Variants in MSR1 observed in about 807,000 individuals in gnomAD.
MSR1 encodes the protein macrophage scavenger receptor 1.
Under a neutral mutation model 47.2 loss-of-function variants are expected in MSR1, and 53 were observed. That is an observed-to-expected ratio of 1.12 (90% CI 0.90 to 1.41). The LOEUF (loss-of-function observed/expected upper bound fraction) is 1.41, where lower values mean the gene tolerates loss of function less well. MSR1 is among the 40% of genes most tolerant of loss of function. The pLI is 0.00. For missense variants in MSR1, 786 were observed against 546.9 expected, an observed-to-expected ratio of 1.44 and a Z score of -4.36; for synonymous variants, 239 against 185.6, an observed-to-expected ratio of 1.29 and a Z score of -2.34.
chr8:16,121,169 G>A (rs1799997633), intron 8 of MSR1: 1 of 431,338 alleles, frequency 2.3e-6, no homozygotes, highest in Non-Finnish European at 4.6e-6. Context: ...CTTGTTGTGA[G>A]GTTCCTGGAT....
At chr8:16,169,632 C>T (rs974313854) in intron 3 of MSR1, among the ~76,000 whole-genome samples, 1 of 152,000 alleles carries the variant, frequency 6.6e-6, no homozygotes, top group Non-Finnish European at 1.5e-5. Context: ...CGTGTCTCAA[C>T]CCTTATCATA....
intron 1 of MSR1, chr8:16,186,010 G>A (rs1321852567): frequency 4.6e-6 from 3 of 658,810 alleles, no homozygotes; most frequent in Non-Finnish European, 7.6e-6. Context: ...GAAGTTCGTG[G>A]CCTGCAAGAA....
intron 3 of MSR1, among the ~76,000 whole-genome samples, chr8:16,170,186 A>T (rs1206179724): frequency 6.6e-6 from 1 of 152,084 alleles, no homozygotes; most frequent in Non-Finnish European, 1.5e-5. Context: ...CGTCTCTGCT[A>T]AAAATACAAA....
intron 1 of MSR1, among the ~76,000 whole-genome samples, chr8:16,180,080 C>A (rs894304474): frequency 5.6e-5 from 8 of 143,536 alleles, no homozygotes; most frequent in Non-Finnish European, 1.2e-4. Flanking sequence ...AGCCATTGTA[C>A]CCGGTCTCTC....
intron 8 of MSR1, among the ~76,000 whole-genome samples, chr8:16,121,867 T>G (rs1474246991): frequency 6.6e-6 from 1 of 151,922 alleles, no homozygotes; most frequent in Non-Finnish European, 1.5e-5. Flanking sequence ...CCAGTTTGAA[T>G]TCATTTTGTT....
intron 4 of MSR1, among the ~76,000 whole-genome samples, 172 bp downstream of exon 4, chr8:16,168,286 A>AT (rs1801374755): frequency 6.6e-6 from 1 of 152,248 alleles, no homozygotes; most frequent in South Asian, 2.1e-4. Context: ...AGGCGAATCC[A>AT]TTTTAAATCC....
At chr8:16,162,474 C>G (rs1447567264) in intron 5 of MSR1, among the ~76,000 whole-genome samples, 1 of 151,952 alleles carries the variant, frequency 6.6e-6, no homozygotes. Context: ...AATTCATGCG[C>G]AAATTTAAAT....
At chr8:16,187,262 C>T (rs570280758) in intron 1 of MSR1, among the ~76,000 whole-genome samples, 2 of 144,970 alleles carry the variant, frequency 1.4e-5, no homozygotes, top group East Asian at 4.3e-4. Context: ...ACTCAGAAGG[C>T]TGAGACAGGA....
intron 3 of MSR1, among the ~76,000 whole-genome samples, chr8:16,173,969 G>A (rs529515056): frequency 6.6e-6 from 1 of 151,942 alleles, no homozygotes; most frequent in African/African-American, 2.4e-5. Context: ...TTTTTTTATT[G>A]GCCAACCATG....
At chr8:16,126,924 G>A (rs980075256) in intron 8 of MSR1, among the ~76,000 whole-genome samples, 1 of 152,140 alleles carries the variant, frequency 6.6e-6, no homozygotes, top group African/African-American at 2.4e-5. Context: ...CAGAGTGATA[G>A]ATTCCTTGTG....
intron 4 of MSR1, 70 bp from the exon 5 acceptor site, chr8:16,164,321 A>G: frequency 7.4e-7 from 1 of 1,353,240 alleles, no homozygotes; most frequent in Non-Finnish European, 1.0e-6. Flanking sequence ...AGTTCAAGAA[A>G]CCCTCGGAGT....
intron 4 of MSR1, among the ~76,000 whole-genome samples, chr8:16,167,847 C>T (rs1189177356): frequency 6.6e-6 from 1 of 152,072 alleles, no homozygotes; most frequent in Non-Finnish European, 1.5e-5. Context: ...TTTCTATAGC[C>T]CAAGGCTTTG....
rs534158556 is a variant in MSR1 at position 16,160,663 on chromosome 8, G to A, written c.817+3402C>T. Among the ~76,000 whole-genome samples, 53 of 152,120 alleles carry A rather than the reference G, an allele frequency of 3.5e-4. 1 individual carries two copies. In the Middle Eastern group the frequency reaches 0.014, roughly 39 times the overall value. ...AGAATAAGAATGGTGGAAAGTGGAG[G>A]AGGTAACTTCAAGTGGAGCCAAGAA... On this transcript the variant is annotated intron_variant, in intron 5 of 9. Coordinates refer to ENST00000262101, the MANE Select transcript of MSR1 (RefSeq NM_138715.3).
intron 8 of MSR1, among the ~76,000 whole-genome samples, chr8:16,137,156 TC>T (rs1418032228): frequency 1.3e-5 from 2 of 152,124 alleles, no homozygotes; most frequent in Admixed American, 1.3e-4. Context: ...AGGTAGCTCT[TC>T]CCCAGGTGCA....
intron 9 of MSR1, among the ~76,000 whole-genome samples, chr8:16,117,238 G>A (rs905889360): frequency 3.3e-5 from 5 of 152,104 alleles, no homozygotes; most frequent in African/African-American, 1.2e-4. Flanking sequence ...GATACTCATA[G>A]GAACACAAAC....
intron 8 of MSR1, among the ~76,000 whole-genome samples, chr8:16,137,852 C>T (rs946559921): frequency 2.6e-5 from 4 of 151,708 alleles, no homozygotes; most frequent in East Asian, 1.9e-4. Flanking sequence ...AATAGCCAAG[C>T]ATGGTGGTGT....
chr8:16,156,992 C>A (rs1801030517), intron 5 of MSR1, among the ~76,000 whole-genome samples: 1 of 151,812 alleles, frequency 6.6e-6, no homozygotes, highest in Non-Finnish European at 1.5e-5. Context: ...GGGAGGGGGG[C>A]AAGCAGGACA....
rs1248759860 is a variant in MSR1, at chr8:16,140,322, C to T, written c.1033+3236G>A. On this transcript the variant is annotated intron_variant, in intron 8 of 9. Coordinates refer to ENST00000262101, the MANE Select transcript of MSR1 (RefSeq NM_138715.3). Reference sequence around the variant, plus strand: ...AAAAAAGCCCTTGACTCAGTCTTTACTTTGATCAAAAATGCTTTGGAAAGA... The same window carrying T: ...AAAAAAGCCCTTGACTCAGTCTTTATTTTGATCAAAAATGCTTTGGAAAGA... The T allele has an allele frequency of 1.2e-5, 12 of 984,610 alleles. 1 individual carries two copies. The Admixed American group carries it at 7.4e-4, about 61-fold the overall frequency. 61.0% of individuals were successfully genotyped at this position (984,610 alleles called of 1,614,324 possible). A position where few individuals can be genotyped will look rare whatever the true frequency, so the allele number is the denominator to read the frequency against.
At chr8:16,153,064 T>C (rs1800904328) in intron 6 of MSR1, among the ~76,000 whole-genome samples, 1 of 152,080 alleles carries the variant, frequency 6.6e-6, no homozygotes, top group Non-Finnish European at 1.5e-5. Context: ...AATGTATTAG[T>C]TATTTGAGGC....
Sources: allele counts gnomAD v4.1 joint callset (sites outside exome capture counted in the v4.1 genomes callset), GRCh38; gene constraint gnomAD v4.1.1; transcripts MANE v1.5; gene names NCBI Gene and HGNC (gene_info 2026-07-23, HGNC 2026-07-21).